Variants in FRMPD1 observed in about 807,000 individuals in gnomAD.
FRMPD1 encodes the protein FERM and PDZ domain-containing protein 1.
In FRMPD1, 76 loss-of-function variants were observed where a neutral mutation model predicts 117.8. The observed-to-expected ratio is 0.65, with a 90% CI of 0.54 to 0.78. FRMPD1 has a LOEUF of 0.78. FRMPD1 is among the 30% of genes least tolerant of loss of function. The pLI, the probability that FRMPD1 is intolerant of heterozygous loss-of-function variation, is 0.00. For missense variants in FRMPD1, 1,786 were observed against 1,964.5 expected, an observed-to-expected ratio of 0.91 and a Z score of 1.72; for synonymous variants, 783 against 770.4, an observed-to-expected ratio of 1.02 and a Z score of -0.27.
the FRMPD1 span, among the ~76,000 whole-genome samples, chr9:37,607,300 A>T: frequency 0.15 from 22,661 of 152,072 alleles, 2,143 homozygotes; most frequent in Admixed American, 0.21. Flanking sequence ...TGGGTGACAA[A>T]GTGAGACTCC....
upstream of FRMPD1, among the ~76,000 whole-genome samples, chr9:37,648,801 G>T (rs990129077): frequency 4.6e-5 from 7 of 152,156 alleles, no homozygotes; most frequent in Non-Finnish European, 8.8e-5. Context: ...TAAGATGTGG[G>T]TTTGGTTTTG....
chr9:37,736,003 A>G (rs986851250), intron 13 of FRMPD1, among the ~76,000 whole-genome samples: 7 of 144,362 alleles, frequency 4.8e-5, no homozygotes, highest in Non-Finnish European at 1.1e-4. Flanking sequence ...ACACCAGAGG[A>G]TTTTTTTTTT....
intron 2 of FRMPD1, among the ~76,000 whole-genome samples, chr9:37,697,252 G>T (rs562205040): frequency 2.0e-5 from 3 of 152,102 alleles, no homozygotes; most frequent in Non-Finnish European, 4.4e-5. Context: ...GTTACCACTC[G>T]ATTTCATATT....
intron 1 of FRMPD1, among the ~76,000 whole-genome samples, chr9:37,679,815 C>T (rs896457225): frequency 6.6e-6 from 1 of 152,224 alleles, no homozygotes; most frequent in East Asian, 1.9e-4. Context: ...TCTTTCCCTG[C>T]ACCAGGGTGG....
At chr9:37,644,908 C>A in the FRMPD1 span, among the ~76,000 whole-genome samples, 1 of 152,032 alleles carries the variant, frequency 6.6e-6, no homozygotes, top group Non-Finnish European at 1.5e-5. Flanking sequence ...GTGGCATCTG[C>A]CCCCGGGGGC....
At chr9:37,724,675 C>T (rs1287781935) in intron 7 of FRMPD1, among the ~76,000 whole-genome samples, 2 of 152,176 alleles carry the variant, frequency 1.3e-5, no homozygotes, top group Non-Finnish European at 2.9e-5. Context: ...CTACGAAAAC[C>T]CAGGTGAGAT....
chr9:37,707,341 C>A, intron 2 of FRMPD1, 75 bp from the exon 3 acceptor site: 1 of 1,272,352 alleles, frequency 7.9e-7, no homozygotes, highest in Non-Finnish European at 1.1e-6. Context: ...CTCCATGATG[C>A]TTAGGGCTGA....
chr9:37,652,708 C>A (rs1820715508), intron 1 of FRMPD1, among the ~76,000 whole-genome samples: 1 of 152,178 alleles, frequency 6.6e-6, no homozygotes, highest in Non-Finnish European at 1.5e-5. Flanking sequence ...CCAGTCTTTT[C>A]CCTCTTCATT....
intron 1 of FRMPD1, among the ~76,000 whole-genome samples, chr9:37,681,939 C>T (rs1821745062): frequency 6.6e-6 from 1 of 152,166 alleles, no homozygotes; most frequent in African/African-American, 2.4e-5. Context: ...TATGGAAGAG[C>T]AAGACTACAC....
the FRMPD1 span, among the ~76,000 whole-genome samples, chr9:37,605,965 C>T: frequency 1.3e-5 from 2 of 152,124 alleles, no homozygotes; most frequent in Non-Finnish European, 2.9e-5. Context: ...CCTCAGCCTC[C>T]CACATAGCTG....
the FRMPD1 span, among the ~76,000 whole-genome samples, chr9:37,633,029 A>T: frequency 0.23 from 16,010 of 68,934 alleles, 981 homozygotes; most frequent in Non-Finnish European, 0.32. Context: ...ATATATATAT[A>T]TATTTTTCTT....
the FRMPD1 span, among the ~76,000 whole-genome samples, chr9:37,621,952 A>G: frequency 4.6e-5 from 7 of 152,296 alleles, no homozygotes; most frequent in African/African-American, 1.4e-4. Context: ...GTTTGACACA[A>G]CTGCTCAAAT....
intron 1 of FRMPD1, among the ~76,000 whole-genome samples, chr9:37,671,484 C>A (rs1821349868): frequency 2.0e-5 from 3 of 152,184 alleles, no homozygotes; most frequent in African/African-American, 7.2e-5. Context: ...CTATTAGGCA[C>A]TGAAAAATCA....
At chr9:37,667,062 C>CTT (rs573955616) in intron 1 of FRMPD1, among the ~76,000 whole-genome samples, 19,325 of 110,964 alleles carry the variant, frequency 0.17, 2,745 homozygotes, top group East Asian at 0.5. Flanking sequence ...TTGAAGCATG[C>CTT]TTTTTTTTTT....
chr9:37,606,654 T>A, the FRMPD1 span, among the ~76,000 whole-genome samples: 1 of 152,224 alleles, frequency 6.6e-6, no homozygotes, highest in Non-Finnish European at 1.5e-5. Context: ...AACTAAAATT[T>A]ACTTTAAAAT....
chr9:37,618,635 GT>G, the FRMPD1 span, among the ~76,000 whole-genome samples: 2 of 152,128 alleles, frequency 1.3e-5, no homozygotes, highest in South Asian at 2.1e-4. Flanking sequence ...ACCTTTCCAG[GT>G]TTTTTTCTTC....
At chr9:37,738,303 T>C (rs936533468) in intron 14 of FRMPD1, among the ~76,000 whole-genome samples, 3 of 146,078 alleles carry the variant, frequency 2.1e-5, no homozygotes, top group African/African-American at 7.3e-5. Context: ...GTAAAACAGT[T>C]AGAAAGTGAT....
At chr9:37,698,864 GAGT>G (rs1563937370) in intron 2 of FRMPD1, among the ~76,000 whole-genome samples, 1 of 151,882 alleles carries the variant, frequency 6.6e-6, no homozygotes, top group East Asian at 1.9e-4. Context: ...TCAGCCTCCC[GAGT>G]AGCTGGGGTT....
chr9:37,695,514 T>G (rs1010794260), intron 2 of FRMPD1, among the ~76,000 whole-genome samples: 1 of 152,152 alleles, frequency 6.6e-6, no homozygotes. Flanking sequence ...AAGACATAAT[T>G]TCCATGTTTC....
Sources: allele counts gnomAD v4.1 joint callset (sites outside exome capture counted in the v4.1 genomes callset), GRCh38; gene constraint gnomAD v4.1.1; transcripts MANE v1.5; gene names NCBI Gene and HGNC (gene_info 2026-07-23, HGNC 2026-07-21).